The following TMEM117 variants were observed in gnomAD, a reference collection of about 807,000 sequenced individuals.
TMEM117 encodes transmembrane protein 117.
A neutral mutation model predicts 52.4 loss-of-function variants in TMEM117; 27 were observed. The ratio of observed to expected loss-of-function variants is 0.51; its 90% CI spans 0.38 to 0.71. TMEM117 has a LOEUF of 0.71. Ranked by LOEUF, TMEM117 falls within the 30% of genes least tolerant of loss-of-function variation. TMEM117 has a pLI of 0.00. For synonymous variants in TMEM117, 215 were observed against 206.3 expected, an observed-to-expected ratio of 1.04 and a Z score of -0.36; for missense variants, 556 against 630.5, an observed-to-expected ratio of 0.88 and a Z score of 1.26.
chr12:44,143,391 A>C (rs1263968201), intron 3 of TMEM117, 134 bp from the exon 4 acceptor site: 1 of 537,756 alleles, frequency 1.9e-6, no homozygotes, highest in Non-Finnish European at 3.2e-6. Flanking sequence ...CAGATTTGTA[A>C]GCATATGTGA....
At chr12:43,817,382 A>T in the TMEM117 span, among the ~76,000 whole-genome samples, 2 of 152,252 alleles carry the variant, frequency 1.3e-5, no homozygotes, top group African/African-American at 4.8e-5. Flanking sequence ...TCCCTTGATT[A>T]TATGATTGAA....
At chr12:43,805,999 C>A in the TMEM117 span, 2 of 1,531,132 alleles carry the variant, frequency 1.3e-6, no homozygotes, top group Non-Finnish European at 1.8e-6. Flanking sequence ...AATTTCGGAT[C>A]AATCTGCAAC....
intron 3 of TMEM117, among the ~76,000 whole-genome samples, chr12:43,984,393 A>T (rs1945812051): frequency 1.3e-5 from 2 of 150,626 alleles, no homozygotes; most frequent in Non-Finnish European, 2.9e-5. Context: ...AACAACAACA[A>T]CAACAACAAC....
chr12:44,387,551 A>G (rs1479463074), intron 7 of TMEM117, among the ~76,000 whole-genome samples: 1 of 152,132 alleles, frequency 6.6e-6, no homozygotes, highest in African/African-American at 2.4e-5. Context: ...AAACAGCAAT[A>G]TGAATTAATT....
At chr12:43,907,829 A>AGAAATATGGGACTATGT (rs1257544318) in intron 2 of TMEM117, among the ~76,000 whole-genome samples, 1 of 134,250 alleles carries the variant, frequency 7.4e-6, no homozygotes, top group African/African-American at 2.5e-5. Flanking sequence ...AAAGCCTCCA[A>AGAAATATGGGACTATGT]GAAATATGGG....
In TMEM117 at chr12:44,227,339, C is replaced by T. The variant is rs375267439; in HGVS notation, c.608+15952C>T. 2.6e-5 allele frequency among the ~76,000 whole-genome samples: 4 copies of T among 152,076 alleles called. No individual in the cohort carries two copies. In the South Asian group the frequency reaches 8.3e-4, roughly 31 times the overall value. On this transcript the variant is annotated intron_variant, in intron 5 of 7. Transcript: ENST00000266534. The stretch of plus-strand genomic sequence containing the variant: ...ATTAGCCAGGCATGGTGGCATGTAC[C>T]TGTAGTCCCAACTACTTGGGAGGCT...
intron 5 of TMEM117, among the ~76,000 whole-genome samples, chr12:44,273,781 A>C (rs1950478362): frequency 6.6e-6 from 1 of 152,120 alleles, no homozygotes; most frequent in Non-Finnish European, 1.5e-5. Flanking sequence ...TATGATAAAA[A>C]ATGGAATCCT....
At chr12:43,987,414 T>C (rs1008285360) in intron 3 of TMEM117, among the ~76,000 whole-genome samples, 1 of 152,234 alleles carries the variant, frequency 6.6e-6, no homozygotes, top group Non-Finnish European at 1.5e-5. Context: ...TTTTTTGATG[T>C]CTTTAATTCT....
chr12:44,083,908 A>G (rs1311121030), intron 3 of TMEM117, among the ~76,000 whole-genome samples: 1 of 151,880 alleles, frequency 6.6e-6, no homozygotes, highest in African/African-American at 2.4e-5. Context: ...TTTCCTATTT[A>G]TTTGTATTAA....
At chr12:43,836,279 C>T (rs1943027106) in intron 1 of TMEM117, 83 bp downstream of exon 1, 1 of 152,346 alleles carries the variant, frequency 6.6e-6, no homozygotes, top group African/African-American at 2.4e-5. Flanking sequence ...CCCTGCCGCC[C>T]GTGTCCCGGC....
chr12:43,913,867 T>C (rs1944556410), intron 2 of TMEM117, among the ~76,000 whole-genome samples: 1 of 152,178 alleles, frequency 6.6e-6, no homozygotes, highest in Non-Finnish European at 1.5e-5. Flanking sequence ...TTACAGAGAA[T>C]AGAAGTATTA....
intron 6 of TMEM117, among the ~76,000 whole-genome samples, chr12:44,338,118 A>C (rs752343251): frequency 2.0e-5 from 3 of 151,954 alleles, no homozygotes; most frequent in Non-Finnish European, 4.4e-5. Flanking sequence ...TTTTAAAAAC[A>C]GACCTTGACC....
chr12:44,234,785 TAATTA>T (rs903449579), intron 5 of TMEM117, among the ~76,000 whole-genome samples: 3 of 151,536 alleles, frequency 2.0e-5, no homozygotes, highest in Admixed American at 6.6e-5. Flanking sequence ...ATTTCTGGCA[TAATTA>T]AATTGTGTTA....
At chr12:43,985,080 T>C (rs1416801009) in intron 3 of TMEM117, among the ~76,000 whole-genome samples, 1 of 152,112 alleles carries the variant, frequency 6.6e-6, no homozygotes, top group Non-Finnish European at 1.5e-5. Context: ...TAGAAAACAA[T>C]GGGAGGGAAA....
At chr12:43,802,116 G>A in the TMEM117 span, among the ~76,000 whole-genome samples, 38 of 152,258 alleles carry the variant, frequency 2.5e-4, no homozygotes, top group Non-Finnish European at 5.4e-4. Flanking sequence ...CAAAACTCCC[G>A]AATCTAAGCA....
In TMEM117 at chr12:44,137,756, C is replaced by T. The variant is rs112780237; in HGVS notation, c.411-5769C>T. Among the ~76,000 whole-genome samples, 1,514 of 152,210 alleles carry T rather than the reference C, an allele frequency of 9.9e-3. 33 individuals are homozygous for T. Among genetic ancestry groups the T allele is most frequent in the African/African-American group, 0.034 (1,427 of 41,538 alleles). On this transcript the variant is annotated intron_variant, in intron 3 of 7. Transcript: ENST00000266534. Reference sequence around the variant, plus strand: ...CATTGCGAGAAGAGCACAAGAAAGACCAGTCCCACTTATTCAACTACCTAC... The same window carrying T: ...CATTGCGAGAAGAGCACAAGAAAGATCAGTCCCACTTATTCAACTACCTAC...
chr12:44,334,067 T>C (rs1951307552), intron 6 of TMEM117, among the ~76,000 whole-genome samples: 1 of 152,038 alleles, frequency 6.6e-6, no homozygotes, highest in African/African-American at 2.4e-5. Flanking sequence ...AAAATAGATT[T>C]CCTGGTGGCT....
intron 2 of TMEM117, among the ~76,000 whole-genome samples, chr12:43,891,367 ATT>A (rs772754829): frequency 0.06 from 3,456 of 57,688 alleles, 77 homozygotes; most frequent in Middle Eastern, 0.13. Context: ...TACCTCTTGA[ATT>A]TTTTTTTTTT....
chr12:43,818,357 G>T, the TMEM117 span, among the ~76,000 whole-genome samples: 2 of 150,030 alleles, frequency 1.3e-5, no homozygotes, highest in East Asian at 3.9e-4. Context: ...TAAACAATCT[G>T]CTCCCCCCAC....
Sources: gnomAD v4.1 joint callset for allele counts (sites outside exome capture counted in the v4.1 genomes callset) on GRCh38, gnomAD v4.1.1 for gene constraint, MANE v1.5 for transcripts, NCBI Gene and HGNC (gene_info 2026-07-23, HGNC 2026-07-21) for gene names.